AFF3: variants seen among roughly 807,000 people sequenced by gnomAD.
The protein encoded by AFF3 is ALF transcription elongation factor 3.
Under a neutral mutation model 129.7 loss-of-function variants are expected in AFF3, and 32 were observed. The ratio of observed to expected loss-of-function variants is 0.25; its 90% CI spans 0.19 to 0.33. The LOEUF (loss-of-function observed/expected upper bound fraction) is 0.33. Among genes scored for constraint, AFF3 ranks in the 10% least tolerant of loss-of-function variants. The pLI is 1.00. For synonymous variants in AFF3, 644 were observed against 635.4 expected, an observed-to-expected ratio of 1.01 and a Z score of -0.20; for missense variants, 1,373 against 1,592.0, an observed-to-expected ratio of 0.86 and a Z score of 2.34.
At chr2:99,626,850 C>T (rs1682635041) in intron 13 of AFF3, among the ~76,000 whole-genome samples, 1 of 152,078 alleles carries the variant, frequency 6.6e-6, no homozygotes, top group Non-Finnish European at 1.5e-5. Context: ...TTCCTGTGTT[C>T]GTTTGCTAAG....
chr2:99,683,916 C>T (rs1674780197), intron 11 of AFF3, among the ~76,000 whole-genome samples: 1 of 152,130 alleles, frequency 6.6e-6, no homozygotes, highest in Non-Finnish European at 1.5e-5. Flanking sequence ...ATCTTTTTTC[C>T]TTGTCAGACA....
intron 7 of AFF3, among the ~76,000 whole-genome samples, chr2:99,959,339 CAAAAA>C (rs34083581): frequency 3.0e-5 from 2 of 66,936 alleles, no homozygotes; most frequent in African/African-American, 1.1e-4. Flanking sequence ...AAGAGTCTGC[CAAAAA>C]AAAAAAAAAA....
intron 7 of AFF3, among the ~76,000 whole-genome samples, chr2:99,869,680 C>T (rs1691719381): frequency 6.6e-6 from 1 of 152,136 alleles, no homozygotes; most frequent in African/African-American, 2.4e-5. Context: ...CCCTGGGGTC[C>T]CCCTGGGCAC....
At chr2:99,815,961 T>C (rs1687198723) in intron 8 of AFF3, among the ~76,000 whole-genome samples, 1 of 152,024 alleles carries the variant, frequency 6.6e-6, no homozygotes, top group Non-Finnish European at 1.5e-5. Context: ...TGCCCTGCTG[T>C]CTTTATTTTC....
chr2:99,858,644 C>T (rs564046256), intron 7 of AFF3, among the ~76,000 whole-genome samples: 1 of 152,266 alleles, frequency 6.6e-6, no homozygotes, highest in South Asian at 2.1e-4. Context: ...CAAACTAACA[C>T]AGGAACAGAA....
intron 8 of AFF3, among the ~76,000 whole-genome samples, chr2:99,781,935 G>C (rs1684442856): frequency 6.6e-6 from 1 of 152,034 alleles, no homozygotes; most frequent in Admixed American, 6.6e-5. Flanking sequence ...TATAAATTAA[G>C]AATTATATGA....
intron 7 of AFF3, among the ~76,000 whole-genome samples, chr2:99,867,027 A>C (rs1002793618): frequency 6.7e-6 from 1 of 149,154 alleles, no homozygotes; most frequent in African/African-American, 2.4e-5. Flanking sequence ...AAAAATAAAA[A>C]ATAAAAAAAA....
chr2:99,988,754 G>T (rs564656132), intron 7 of AFF3, among the ~76,000 whole-genome samples: 2 of 152,040 alleles, frequency 1.3e-5, no homozygotes, highest in East Asian at 3.9e-4. Flanking sequence ...GGGTTCTGTA[G>T]AACACATGGG....
chr2:99,564,952 T>A (rs1363949420), intron 20 of AFF3, among the ~76,000 whole-genome samples: 1 of 152,142 alleles, frequency 6.6e-6, no homozygotes, highest in Non-Finnish European at 1.5e-5. Context: ...TCATGGAGGA[T>A]AAGTGTTTGC....
chr2:100,047,217 T>A (rs772167874), intron 4 of AFF3, among the ~76,000 whole-genome samples: 1 of 152,246 alleles, frequency 6.6e-6, no homozygotes, highest in Non-Finnish European at 1.5e-5. Flanking sequence ...CTGAGCCACA[T>A]GCTACGTGGA....
intron 7 of AFF3, among the ~76,000 whole-genome samples, chr2:99,909,278 A>T (rs1449669469): frequency 6.8e-6 from 1 of 147,510 alleles, no homozygotes; most frequent in Non-Finnish European, 1.5e-5. Flanking sequence ...ATAGGTGGGA[A>T]TTGAACAAAG....
intron 10 of AFF3, among the ~76,000 whole-genome samples, chr2:99,741,714 A>G (rs1680735126): frequency 6.6e-6 from 1 of 151,996 alleles, no homozygotes; most frequent in South Asian, 2.1e-4. Flanking sequence ...AATTGGAAAA[A>G]ACTACTTTAA....
intron 4 of AFF3, among the ~76,000 whole-genome samples, chr2:100,040,998 T>C (rs952673290): frequency 6.6e-6 from 1 of 152,246 alleles, no homozygotes. Context: ...TGGGTCTTCC[T>C]GAGCAAGTCA....
In AFF3 at chr2:99,999,574, T is replaced by C. The variant is rs540359953; in HGVS notation, c.873+7058A>G. Among the ~76,000 whole-genome samples, 3 of 152,282 alleles carry C rather than the reference T, an allele frequency of 2.0e-5. No individual in the cohort carries two copies. In the East Asian group the frequency reaches 5.8e-4, roughly 29 times the overall value. On this transcript the variant is annotated intron_variant, in intron 7 of 24. Coordinates refer to ENST00000672756, the MANE Select transcript of AFF3 (RefSeq NM_001386135.1). ...TCTTCAATTTCTACATTCAGAGCTGTCAACCCATCTGGGGTTGGACACATG... is the reference window on the plus strand; with the variant it reads ...TCTTCAATTTCTACATTCAGAGCTGCCAACCCATCTGGGGTTGGACACATG...
rs528653026 is a variant in AFF3 at position 99,685,197 on chromosome 2, T to A, written c.1092-12608A>T. ...CTCAAGTGATCTGCCTGCCTCAGACTCCCAAAGTGCTGGGATTACAGGCCT... is the reference window on the plus strand; with the variant it reads ...CTCAAGTGATCTGCCTGCCTCAGACACCCAAAGTGCTGGGATTACAGGCCT... On this transcript the variant is annotated intron_variant, in intron 11 of 24. Transcript: ENST00000672756. 9.2e-5 allele frequency among the ~76,000 whole-genome samples: 14 copies of A among 152,278 alleles called. No individual in the cohort carries two copies. In the East Asian group the frequency reaches 2.7e-3, roughly 29 times the overall value.
intron 7 of AFF3, among the ~76,000 whole-genome samples, chr2:99,988,638 A>T (rs1371428083): frequency 6.6e-6 from 1 of 152,180 alleles, no homozygotes; most frequent in African/African-American, 2.4e-5. Context: ...CCTTTCAGAG[A>T]TTAGTAACAT....
At chr2:99,557,989 A>G (rs915910989) in intron 22 of AFF3, among the ~76,000 whole-genome samples, 2 of 152,264 alleles carry the variant, frequency 1.3e-5, no homozygotes, top group African/African-American at 4.8e-5. Context: ...TCACAACAGT[A>G]CATCAGCGAA....
At position 99,967,804 on chromosome 2, in the gene AFF3, T is replaced by G. The variant is rs141439214; in HGVS notation, c.873+38828A>C. Among the ~76,000 whole-genome samples the G allele has an allele frequency of 6.9e-3, 1,057 of 152,354 alleles. 8 individuals carry two copies. The highest frequency in any genetic ancestry group is 0.02 in the Middle Eastern group (6 of 294). ...CTGAAATGACTCTCACACAGCCACT[T>G]TCTTTCCAGAACCAATGCCACTGCC... is the stretch of plus-strand genomic sequence containing the variant. On this transcript the variant is annotated intron_variant, in intron 7 of 24. Transcript: ENST00000672756.
intron 7 of AFF3, among the ~76,000 whole-genome samples, chr2:99,951,297 T>A (rs1264133634): frequency 6.6e-6 from 1 of 152,210 alleles, no homozygotes; most frequent in African/African-American, 2.4e-5. Flanking sequence ...TCTCTTTTTT[T>A]AAGATTCCTC....
Sources: allele counts gnomAD v4.1 joint callset (sites outside exome capture counted in the v4.1 genomes callset), GRCh38; gene constraint gnomAD v4.1.1; transcripts MANE v1.5; gene names NCBI Gene and HGNC (gene_info 2026-07-23, HGNC 2026-07-21).